The following ZNF92 variants were observed in gnomAD, a reference collection of about 807,000 sequenced individuals.
The protein encoded by ZNF92 is epididymis luminal protein 203.
A neutral mutation model predicts 12.4 loss-of-function variants in ZNF92; 11 were observed. The observed-to-expected ratio is 0.89, with a 90% CI of 0.56 to 1.47. The LOEUF (loss-of-function observed/expected upper bound fraction) is 1.47, where lower values mean the gene tolerates loss of function less well. Among genes scored for constraint, ZNF92 ranks in the 40% most tolerant of loss-of-function variants. The probability of loss-of-function intolerance (pLI) is 0.00; values close to 1 mark genes in which losing one functional copy is unlikely to be tolerated. For synonymous variants in ZNF92, 206 were observed against 228.6 expected, an observed-to-expected ratio of 0.90 and a Z score of 0.89; for missense variants, 622 against 681.0, an observed-to-expected ratio of 0.91 and a Z score of 0.96.
At chr7:65,385,884 G>A (rs1190177538) in intron 1 of ZNF92, among the ~76,000 whole-genome samples, 1 of 151,972 alleles carries the variant, frequency 6.6e-6, no homozygotes, top group Non-Finnish European at 1.5e-5. Flanking sequence ...CTCAGATCAA[G>A]AGCTGTGTCC....
Position 65,398,437 on chromosome 7 carries a change from A to G in ZNF92, c.323A>G (p.His108Arg). 1 of 1,613,122 alleles carries G rather than the reference A, an allele frequency of 6.2e-7. No individual in the cohort carries two copies. The highest frequency in any genetic ancestry group is 2.2e-5 in the East Asian group (1 of 44,818). Reference sequence around the variant, plus strand: ...CTGAGAACATATGGAAAATATGGACATGAGAATTTACAGCTAAGAAAAGAC... The same window carrying G: ...CTGAGAACATATGGAAAATATGGACGTGAGAATTTACAGCTAAGAAAAGAC... Reference protein sequence around the residue: ...VILRTYGKYGHENLQLRKDHK... With the variant: ...VILRTYGKYGRENLQLRKDHK... Residue 108 changes from histidine (H) to arginine (R), a missense_variant, in exon 4 of 4, where the codon CAT (histidine) becomes CGT (arginine). By Grantham distance (29) the His-to-Arg change is conservative. Transcript: ENST00000328747.
chr7:65,394,313 T>TGAAGAG (rs775321139), intron 3 of ZNF92, among the ~76,000 whole-genome samples: 3,572 of 152,236 alleles, frequency 0.023, 65 homozygotes, highest in Middle Eastern at 0.045. Flanking sequence ...AGACTATCTT[T>TGAAGAG]CCTCTATTGT....
Position 65,387,966 on chromosome 7 carries a change from C to T in ZNF92, c.68C>T (p.Thr23Ile), listed in dbSNP as rs754018736. 8.7e-6 allele frequency: 14 copies of T among 1,608,270 alleles called. No individual in the cohort carries two copies. The highest frequency in any genetic ancestry group is 1.1e-5 in the South Asian group (1 of 90,210). The change falls in exon 2 of 4, where the codon ACT becomes ATT. Residue 23 changes from threonine (T) to isoleucine (I), a missense_variant. Thr to Ile is a moderately conservative substitution (Grantham distance 89, BLOSUM62 -1). Coordinates refer to ENST00000328747, the MANE Select transcript of ZNF92 (RefSeq NM_152626.4). ...FSLEEWQCLD[T>I]AQRNLYRDVM... ...CTAGAGGAATGGCAATGCCTGGACA[C>T]TGCGCAGCGGAATTTATATAGAGAT...
intron 1 of ZNF92, among the ~76,000 whole-genome samples, chr7:65,384,546 G>T (rs909504584): frequency 3.3e-5 from 5 of 152,042 alleles, no homozygotes; most frequent in African/African-American, 7.2e-5. Context: ...TCTTAATTTT[G>T]TATTAAAATC....
At chr7:65,387,354 C>T (rs537817344) in intron 1 of ZNF92, among the ~76,000 whole-genome samples, 6 of 152,156 alleles carry the variant, frequency 3.9e-5, no homozygotes, top group African/African-American at 1.4e-4. Flanking sequence ...AAAATGAAGG[C>T]TCTCGTCTTT....
At chr7:65,386,834 C>T (rs1055226760) in intron 1 of ZNF92, among the ~76,000 whole-genome samples, 2 of 151,876 alleles carry the variant, frequency 1.3e-5, no homozygotes, top group African/African-American at 4.8e-5. Context: ...TGTCCTAGTT[C>T]AGTTGATATT....
intron 1 of ZNF92, among the ~76,000 whole-genome samples, chr7:65,386,165 G>A (rs912361442): frequency 4.0e-5 from 6 of 151,802 alleles, no homozygotes; most frequent in African/African-American, 9.7e-5. Flanking sequence ...GATTACAGGC[G>A]CGTGCCACCA....
intron 3 of ZNF92, among the ~76,000 whole-genome samples, chr7:65,394,032 G>A (rs3846970): frequency 0.28 from 42,229 of 151,654 alleles, 7,702 homozygotes; most frequent in African/African-American, 0.49. Context: ...CCTAGGGGAC[G>A]TTGTCACTCT....
chr7:65,384,279 C>T (rs1290424803), intron 1 of ZNF92, among the ~76,000 whole-genome samples: 2 of 151,900 alleles, frequency 1.3e-5, no homozygotes, highest in Non-Finnish European at 2.9e-5. Context: ...AAAAACAGAA[C>T]GGAAATACCC....
At chr7:65,387,226 G>A (rs1009991195) in intron 1 of ZNF92, among the ~76,000 whole-genome samples, 1 of 151,228 alleles carries the variant, frequency 6.6e-6, no homozygotes, top group African/African-American at 2.4e-5. Flanking sequence ...ATAGGTATAA[G>A]CCACTGGGCC....
chr7:65,375,982 G>T (rs549755906), intron 1 of ZNF92, among the ~76,000 whole-genome samples: 1 of 151,142 alleles, frequency 6.6e-6, no homozygotes, highest in Admixed American at 6.6e-5. Context: ...GCGTGGTCTC[G>T]GCTCACTGCA....
chr7:65,393,356 A>G (rs772801823), intron 3 of ZNF92, among the ~76,000 whole-genome samples: 2 of 152,140 alleles, frequency 1.3e-5, no homozygotes, highest in Non-Finnish European at 2.9e-5. Context: ...TTAAGGCTGA[A>G]AAATATTCCA....
In ZNF92 at chr7:65,399,043, A is replaced by C; in HGVS notation, c.929A>C (p.Asp310Ala). The change falls in exon 4 of 4, where the codon GAT becomes GCT. Residue 310 changes from aspartate (D) to alanine (A), a missense_variant. By Grantham distance (126) the Asp-to-Ala change is moderately radical. Coordinates refer to ENST00000328747, the MANE Select transcript of ZNF92 (RefSeq NM_152626.4). ...LNKHKRIHME[D>A]KPYKCEECGK... ...AAACATAAGAGAATTCATATGGAAG[A>C]TAAACCCTACAAATGTGAAGAATGT... The C allele has an allele frequency of 1.2e-6, 2 of 1,613,444 alleles. No individual in the cohort carries two copies. Among genetic ancestry groups the C allele is most frequent in the Non-Finnish European group, 1.7e-6 (2 of 1,179,714 alleles).
In ZNF92 at chr7:65,373,862, G is replaced by A. The variant is rs1438296995; in HGVS notation, c.-136G>A. The A allele has an allele frequency of 1.6e-6, 2 of 1,244,842 alleles. No homozygotes were observed. Among genetic ancestry groups the A allele is most frequent in the African/African-American group, 1.5e-5 (1 of 67,478 alleles). The allele number at this position is 1,244,842 out of a possible 1,614,324, so 77.1% of individuals were successfully genotyped here. A position where few individuals can be genotyped will look rare whatever the true frequency, so the allele number is the denominator to read the frequency against. ...GGATTTGGCGGGGCCTTTGTCTCTC[G>A]CTGCAGCCGGCGCTCCACGTCTAGT... On this transcript the variant is annotated 5_prime_UTR_variant, in exon 1 of 4. Coordinates refer to ENST00000328747, the MANE Select transcript of ZNF92 (RefSeq NM_152626.4).
chr7:65,385,714 T>A (rs561629248), intron 1 of ZNF92, among the ~76,000 whole-genome samples: 1 of 152,232 alleles, frequency 6.6e-6, no homozygotes, highest in East Asian at 1.9e-4. Context: ...TTGGACCTTC[T>A]GCCTGTGGGT....
chr7:65,383,827 G>C (rs998158069), intron 1 of ZNF92, among the ~76,000 whole-genome samples: 2 of 152,096 alleles, frequency 1.3e-5, no homozygotes, highest in Non-Finnish European at 1.5e-5. Context: ...TCTACTGCCT[G>C]GCTTACTACT....
At chr7:65,388,195 AT>A in intron 2 of ZNF92, 167 bp downstream of exon 2, 1 of 620,492 alleles carries the variant, frequency 1.6e-6, no homozygotes, top group Non-Finnish European at 2.5e-6. Context: ...AAGATGTTTC[AT>A]TTTGACCTGA....
chr7:65,382,681 T>C (rs1793453069), intron 1 of ZNF92, among the ~76,000 whole-genome samples: 1 of 152,096 alleles, frequency 6.6e-6, no homozygotes, highest in Non-Finnish European at 1.5e-5. Flanking sequence ...CATGCATGCA[T>C]TGAGTAGACA....
At chr7:65,386,655 T>C (rs536419222) in intron 1 of ZNF92, among the ~76,000 whole-genome samples, 1 of 152,184 alleles carries the variant, frequency 6.6e-6, no homozygotes, top group South Asian at 2.1e-4. Flanking sequence ...GAAAGACTAT[T>C]TAAAATTACT....
Sources: allele counts gnomAD v4.1 joint callset (sites outside exome capture counted in the v4.1 genomes callset), GRCh38; gene constraint gnomAD v4.1.1; transcripts MANE v1.5; gene names NCBI Gene and HGNC (gene_info 2026-07-23, HGNC 2026-07-21).